The following ANAPC5 variants were observed in gnomAD, a reference collection of about 807,000 sequenced individuals.
The protein encoded by ANAPC5 is anaphase-promoting complex subunit 5.
ANAPC5 carries 60 observed loss-of-function variants against 91.3 expected under a neutral mutation model. The observed-to-expected ratio is 0.66, with a 90% CI of 0.53 to 0.81. ANAPC5 has a LOEUF of 0.81. ANAPC5 is among the 40% of genes least tolerant of loss of function. The pLI, the probability that ANAPC5 is intolerant of heterozygous loss-of-function variation, is 0.00. For missense variants in ANAPC5, 690 were observed against 931.5 expected (o/e 0.74, Z 3.37); for synonymous variants, 340 against 364.1 (o/e 0.93, Z 0.75).
At chr12:121,345,178 T>C (rs1425443301) in intron 4 of ANAPC5, among the ~76,000 whole-genome samples, 1 of 152,194 alleles carries the variant, frequency 6.6e-6, no homozygotes, top group African/African-American at 2.4e-5. Flanking sequence ...GAATCAAGGA[T>C]ACTACTGCAT....
rs577773238 is a variant in ANAPC5 at position 121,343,735 on chromosome 12, C to T, written c.591-1666G>A. Among the ~76,000 whole-genome samples the T allele has an allele frequency of 3.9e-5, 6 of 152,296 alleles. No individual in the cohort carries two copies. In the South Asian group the frequency reaches 1.2e-3, roughly 32 times the overall value. ...ATTTATAAACAATGTCACCCCCTGC[C>T]ACCCTGGGGATTACAGTAGCCTAAC... On this transcript the variant is annotated intron_variant, in intron 4 of 16. Coordinates refer to ENST00000261819, the MANE Select transcript of ANAPC5 (RefSeq NM_016237.5).
Position 121,320,457 on chromosome 12 carries a change from GC to G in ANAPC5, c.1442del (p.Gly481AlafsTer10). 1.9e-6 allele frequency: 3 copies of G among 1,613,498 alleles called. No homozygotes were observed. Among genetic ancestry groups the G allele is most frequent in the Non-Finnish European group, 2.5e-6 (3 of 1,179,546 alleles). Reference sequence around the variant, plus strand: ...ACACTTCAGAAGCTGCAGCAAAACAGCCCTAAAGTAGAAACACACAATTTGA... The same window carrying G: ...ACACTTCAGAAGCTGCAGCAAAACAGCCTAAAGTAGAAACACACAATTTGA... The part of the protein sequence containing the change: ...CHLAELHAEQ[G>X]CFAAASEVLK... On this transcript the variant is annotated frameshift_variant and splice_region_variant, in exon 12 of 17. Transcript: ENST00000261819. LOFTEE classifies it high-confidence loss of function.
chr12:121,331,485 C>A, intron 7 of ANAPC5, 57 bp from the exon 8 acceptor site: 3 of 1,450,490 alleles, frequency 2.1e-6, no homozygotes, highest in Non-Finnish European at 2.9e-6. Context: ...GCATAAGCAA[C>A]CATAGCAGGA....
intron 7 of ANAPC5, chr12:121,332,039 T>C (rs1011356565): frequency 1.3e-5 from 2 of 152,208 alleles, no homozygotes; most frequent in Non-Finnish European, 2.9e-5. Flanking sequence ...AGTCTCACTA[T>C]GTTCCCCAGG....
rs1243557821 is a variant in ANAPC5, at chr12:121,335,565, A to G, written c.918T>C (p.Asn306=). ...CGAAGCGGCAGTGCAGGGCGGCAAGATTCAGAGCGGCGTATCTCAAGCTCC... is the reference window on the plus strand; with the variant it reads ...CGAAGCGGCAGTGCAGGGCGGCAAGGTTCAGAGCGGCGTATCTCAAGCTCC... ...YGRSLRYAAL[N]LAALHCRFGH... is the part of the protein sequence containing the mutation. The change falls in exon 7 of 17, where the codon AAT becomes AAC. Residue 306 remains asparagine (N), a synonymous_variant. Coordinates refer to ENST00000261819, the MANE Select transcript of ANAPC5 (RefSeq NM_016237.5). 5.0e-6 allele frequency: 8 copies of G among 1,612,974 alleles called. No individual in the cohort carries two copies. Among genetic ancestry groups the G allele is most frequent in the East Asian group, 2.2e-5 (1 of 44,878 alleles).
chr12:121,311,084 TA>T (rs1902150972), intron 15 of ANAPC5, among the ~76,000 whole-genome samples: 1 of 152,104 alleles, frequency 6.6e-6, no homozygotes, highest in Admixed American at 6.6e-5. Flanking sequence ...CACTGTAGAT[TA>T]AAAGACACAA....
At chr12:121,325,818 G>A (rs2136778485) in intron 11 of ANAPC5, among the ~76,000 whole-genome samples, 1 of 152,340 alleles carries the variant, frequency 6.6e-6, no homozygotes, top group Non-Finnish European at 1.5e-5. Context: ...AGTGAGCTGA[G>A]ATCGTGCCAC....
At chr12:121,320,603 T>C (rs1902556670) in intron 11 of ANAPC5, 144 bp from the exon 12 acceptor site, 4 of 592,246 alleles carry the variant, frequency 6.8e-6, no homozygotes, top group Middle Eastern at 3.0e-4. Context: ...CAAATTTCTT[T>C]TCTTTCTTTT....
chr12:121,337,989 A>G (rs1326054780), intron 5 of ANAPC5, among the ~76,000 whole-genome samples: 1 of 152,218 alleles, frequency 6.6e-6, no homozygotes, highest in Non-Finnish European at 1.5e-5. Flanking sequence ...TAAAATATGT[A>G]GAAAGTTAGC....
intron 11 of ANAPC5, among the ~76,000 whole-genome samples, chr12:121,321,343 CTTTTTTTTTT>C (rs71079053): frequency 9.9e-6 from 1 of 100,672 alleles, no homozygotes; most frequent in Non-Finnish European, 1.9e-5. Flanking sequence ...AAACAAATTA[CTTTTTTTTTT>C]TTTTTTTTTT....
intron 1 of ANAPC5, among the ~76,000 whole-genome samples, chr12:121,351,799 T>C (rs1396875647): frequency 6.6e-6 from 1 of 152,024 alleles, no homozygotes; most frequent in Non-Finnish European, 1.5e-5. Flanking sequence ...TCCTCTAGGA[T>C]AGGGAGCCTG....
intron 6 of ANAPC5, among the ~76,000 whole-genome samples, chr12:121,336,619 G>A (rs1480129223): frequency 3.9e-5 from 6 of 152,184 alleles, no homozygotes; most frequent in African/African-American, 9.7e-5. Flanking sequence ...GGCAGAGGTT[G>A]CAGTGAGCCA....
At position 121,327,095 on chromosome 12, in the gene ANAPC5, C is replaced by T. The variant is rs782672840; in HGVS notation, c.1440+1G>A. ...GCACGTGGGCCCGGCCACCTGCCTA[C>T]CTGCTCCGCGTGTAGCTCTGCGAGG... On this transcript the variant is annotated splice_donor_variant, in intron 11 of 16. Transcript: ENST00000261819. LOFTEE classifies it high-confidence loss of function. The T allele has an allele frequency of 2.5e-6, 4 of 1,593,798 alleles. No homozygotes were observed. The highest frequency in any genetic ancestry group is 2.3e-5 in the East Asian group (1 of 44,416).
chr12:121,331,726 G>A, intron 7 of ANAPC5: 1 of 205,258 alleles, frequency 4.9e-6, no homozygotes, highest in Non-Finnish European at 9.9e-6. Context: ...GAGGGGAAGG[G>A]CAAGGAGAGG....
chr12:121,351,016 C>A, intron 1 of ANAPC5: 2 of 426,756 alleles, frequency 4.7e-6, no homozygotes, highest in Admixed American at 2.8e-5. Flanking sequence ...AGAGAGAAAA[C>A]TGAGACCCAA....
At chr12:121,315,794 A>T (rs1030794170) in intron 15 of ANAPC5, among the ~76,000 whole-genome samples, 2 of 152,226 alleles carry the variant, frequency 1.3e-5, no homozygotes, top group African/African-American at 4.8e-5. Context: ...ATATACAAAA[A>T]TTAACTCAAA....
At chr12:121,318,688 A>G in intron 13 of ANAPC5, 80 bp from the exon 14 acceptor site, 1 of 1,259,978 alleles carries the variant, frequency 7.9e-7, no homozygotes. Context: ...CAATTGCGCT[A>G]TAAACCTCCC....
At chr12:121,327,252 G>A in intron 10 of ANAPC5, 21 bp from the exon 11 acceptor site, 9 of 1,609,868 alleles carry the variant, frequency 5.6e-6, no homozygotes, top group Non-Finnish European at 6.8e-6. Context: ...AGAGGGAACA[G>A]GATTTCCTTT....
At chr12:121,338,195 T>C (rs1187782745) in intron 5 of ANAPC5, among the ~76,000 whole-genome samples, 1 of 151,516 alleles carries the variant, frequency 6.6e-6, no homozygotes, top group Non-Finnish European at 1.5e-5. Flanking sequence ...ACCTGGGCAA[T>C]ATACTGAGAC....
Sources: gnomAD v4.1 joint callset for allele counts (sites outside exome capture counted in the v4.1 genomes callset) on GRCh38, gnomAD v4.1.1 for gene constraint, MANE v1.5 for transcripts, NCBI Gene and HGNC (gene_info 2026-07-23, HGNC 2026-07-21) for gene names.